The following AGMO variants were observed in gnomAD, a reference collection of about 807,000 sequenced individuals.
AGMO encodes the protein alkylglycerol monooxygenase.
Under a neutral mutation model 60.2 loss-of-function variants are expected in AGMO, and 75 were observed. That is an observed-to-expected ratio of 1.25 (90% CI 1.03 to 1.51). AGMO has a LOEUF of 1.51. Ranked by LOEUF, AGMO falls within the 40% of genes most tolerant of loss-of-function variation. The probability of loss-of-function intolerance (pLI) is 0.00; values close to 1 mark genes in which losing one functional copy is unlikely to be tolerated. For missense variants in AGMO, 763 were observed against 525.5 expected (o/e 1.45, Z -4.42); for synonymous variants, 261 against 177.1 (o/e 1.47, Z -3.76).
At chr7:15,202,637 C>T (rs12699693) in intron 12 of AGMO, among the ~76,000 whole-genome samples, 10,805 of 151,850 alleles carry the variant, frequency 0.071, 564 homozygotes, top group Non-Finnish European at 0.094. Flanking sequence ...CCTATAACAC[C>T]CACAATATGA....
intron 6 of AGMO, among the ~76,000 whole-genome samples, chr7:15,391,766 T>C (rs904151372): frequency 6.6e-6 from 1 of 152,104 alleles, no homozygotes; most frequent in African/African-American, 2.4e-5. Context: ...TCTGAATTAG[T>C]AGGGAAGCAT....
At chr7:15,329,118 A>G (rs1436816547) in intron 12 of AGMO, among the ~76,000 whole-genome samples, 1 of 152,164 alleles carries the variant, frequency 6.6e-6, no homozygotes, top group Non-Finnish European at 1.5e-5. Context: ...TGGACTTACC[A>G]CTATGTGCAT....
At chr7:15,357,220 T>TGTGC (rs1321192557) in intron 12 of AGMO, among the ~76,000 whole-genome samples, 2 of 151,346 alleles carry the variant, frequency 1.3e-5, no homozygotes, top group Non-Finnish European at 2.9e-5. Context: ...TGTGTGTGTG[T>TGTGC]GTGTGTGTTT....
chr7:15,388,161 A>T (rs1318885762), intron 8 of AGMO, among the ~76,000 whole-genome samples: 2 of 152,180 alleles, frequency 1.3e-5, no homozygotes. Flanking sequence ...TTGAACCATT[A>T]AGATTATAAA....
At chr7:15,517,981 T>G (rs892736442) in intron 3 of AGMO, among the ~76,000 whole-genome samples, 1 of 151,940 alleles carries the variant, frequency 6.6e-6, no homozygotes, top group Non-Finnish European at 1.5e-5. Flanking sequence ...TCGAGCTTGG[T>G]TGGGGGAGGG....
intron 3 of AGMO, among the ~76,000 whole-genome samples, chr7:15,456,662 A>G (rs1782006909): frequency 6.6e-6 from 1 of 152,080 alleles, no homozygotes; most frequent in Non-Finnish European, 1.5e-5. Flanking sequence ...CTTCCACAGG[A>G]TTTCAACTGG....
chr7:15,541,533 AC>A (rs1343143880), intron 3 of AGMO, among the ~76,000 whole-genome samples: 2 of 152,190 alleles, frequency 1.3e-5, no homozygotes, highest in Non-Finnish European at 2.9e-5. Context: ...CTATAATAGA[AC>A]TATTGTATTG....
chr7:15,170,085 C>T, the AGMO span, among the ~76,000 whole-genome samples: 10 of 152,282 alleles, frequency 6.6e-5, no homozygotes, highest in African/African-American at 1.7e-4. Flanking sequence ...CCCTCTTCCA[C>T]GGATATAAAC....
At chr7:15,197,280 A>G (rs1781143282), downstream of AGMO, among the ~76,000 whole-genome samples, 1 of 152,168 alleles carries the variant, frequency 6.6e-6, no homozygotes, top group Non-Finnish European at 1.5e-5. Context: ...CTATTACTGT[A>G]CACTATAATG....
intron 12 of AGMO, among the ~76,000 whole-genome samples, chr7:15,255,554 A>G (rs1343695122): frequency 6.6e-6 from 1 of 151,316 alleles, no homozygotes; most frequent in Admixed American, 6.6e-5. Flanking sequence ...AAAAAAAGAA[A>G]GAAAGAAAAA....
At chr7:15,558,178 T>C (rs1283719074) in intron 2 of AGMO, among the ~76,000 whole-genome samples, 1 of 151,994 alleles carries the variant, frequency 6.6e-6, no homozygotes, top group African/African-American at 2.4e-5. Flanking sequence ...GTACTTACAA[T>C]GTTATGATAA....
intron 12 of AGMO, among the ~76,000 whole-genome samples, chr7:15,350,436 A>G (rs1782198938): frequency 6.6e-6 from 1 of 152,182 alleles, no homozygotes; most frequent in Non-Finnish European, 1.5e-5. Flanking sequence ...TGCCACTTAA[A>G]TAGCAAAGTT....
At chr7:15,308,644 A>T (rs1260807385) in intron 12 of AGMO, among the ~76,000 whole-genome samples, 1 of 152,188 alleles carries the variant, frequency 6.6e-6, no homozygotes, top group Non-Finnish European at 1.5e-5. Context: ...CCAAAATGTT[A>T]AACAATGAAA....
At position 15,303,875 on chromosome 7, in the gene AGMO, G is replaced by A. The variant is rs530540213; in HGVS notation, c.1263+61639C>T. Among the ~76,000 whole-genome samples the A allele has an allele frequency of 5.9e-5, 9 of 152,248 alleles. No individual in the cohort carries two copies. The East Asian group carries it at 1.5e-3, about 26-fold the overall frequency. On this transcript the variant is annotated intron_variant, in intron 12 of 12. Coordinates refer to ENST00000342526, the MANE Select transcript of AGMO (RefSeq NM_001004320.2). ...TATTCTTGTTGCTGTGTTTAATTGT[G>A]AGGATCAATTCTTTCTCTGATAATC...
chr7:15,210,999 G>C (rs1781572903), intron 12 of AGMO, among the ~76,000 whole-genome samples: 1 of 151,770 alleles, frequency 6.6e-6, no homozygotes, highest in Non-Finnish European at 1.5e-5. Flanking sequence ...GACTAAGAAA[G>C]ATATACTGCA....
intron 3 of AGMO, among the ~76,000 whole-genome samples, chr7:15,446,985 A>G (rs1429583800): frequency 2.0e-5 from 3 of 152,206 alleles, no homozygotes; most frequent in Non-Finnish European, 4.4e-5. Context: ...TCCCAATGAC[A>G]TCTTCCCCAC....
intron 3 of AGMO, among the ~76,000 whole-genome samples, chr7:15,471,849 TA>T (rs1056521975): frequency 2.3e-4 from 35 of 151,828 alleles, no homozygotes; most frequent in African/African-American, 7.7e-4. Context: ...CCAAAAAGCT[TA>T]AAAACAAATG....
intron 3 of AGMO, among the ~76,000 whole-genome samples, chr7:15,534,378 C>T (rs988195871): frequency 1.1e-4 from 16 of 151,852 alleles, no homozygotes; most frequent in Non-Finnish European, 2.2e-4. Context: ...AAAGGGAATA[C>T]GGATAAGTTT....
the AGMO span, among the ~76,000 whole-genome samples, chr7:15,171,726 C>G: frequency 6.6e-6 from 1 of 152,124 alleles, no homozygotes; most frequent in Non-Finnish European, 1.5e-5. Context: ...TAATTTATTT[C>G]TAACAAGTTT....
Sources: gnomAD v4.1 joint callset for allele counts (sites outside exome capture counted in the v4.1 genomes callset) on GRCh38, gnomAD v4.1.1 for gene constraint, MANE v1.5 for transcripts, NCBI Gene and HGNC (gene_info 2026-07-23, HGNC 2026-07-21) for gene names.